The following NREP variants were observed in gnomAD, a reference collection of about 807,000 sequenced individuals.
NREP encodes the protein neuronal regeneration-related protein.
In NREP, 5 loss-of-function variants were observed where a neutral mutation model predicts 8.6. The observed-to-expected ratio is 0.58, with a 90% CI of 0.30 to 1.22. The LOEUF (loss-of-function observed/expected upper bound fraction) is 1.22, where lower values mean the gene tolerates loss of function less well. Ranked by LOEUF, NREP falls within the 50% of genes most tolerant of loss-of-function variation. The pLI is 0.07. For missense variants in NREP, 86 were observed against 82.5 expected (o/e 1.04, Z -0.17); for synonymous variants, 27 against 28.0 (o/e 0.96, Z 0.11).
At chr5:111,918,309 C>G (rs1221024848) in intron 2 of NREP, among the ~76,000 whole-genome samples, 1 of 152,144 alleles carries the variant, frequency 6.6e-6, no homozygotes, top group Non-Finnish European at 1.5e-5. Context: ...TCAATGCTAT[C>G]CCCATCAAAC....
intron 2 of NREP, among the ~76,000 whole-genome samples, chr5:111,911,846 T>C (rs374628052): frequency 2.8e-4 from 42 of 152,212 alleles, no homozygotes; most frequent in Middle Eastern, 3.4e-3. Context: ...CTACCTACTA[T>C]GTACCTAGCA....
chr5:111,732,864 TAACTC>T (rs887227544), intron 3 of NREP: 7 of 152,154 alleles, frequency 4.6e-5, no homozygotes, highest in Admixed American at 2.0e-4. Context: ...TGATAAATGT[TAACTC>T]AACAATTATA....
At chr5:111,753,430 C>T (rs2112846422) in intron 2 of NREP, among the ~76,000 whole-genome samples, 1 of 148,778 alleles carries the variant, frequency 6.7e-6, no homozygotes, top group Non-Finnish European at 1.5e-5. Flanking sequence ...AGAAGGGACT[C>T]GAGAATCCTT....
intron 2 of NREP, among the ~76,000 whole-genome samples, chr5:111,920,185 T>G (rs575262661): frequency 2.0e-4 from 31 of 152,280 alleles, no homozygotes; most frequent in Middle Eastern, 6.8e-3. Context: ...CTTTCCCTGG[T>G]GCCTGCAATC....
At chr5:111,862,187 C>T (rs905074499) in intron 2 of NREP, among the ~76,000 whole-genome samples, 1 of 152,148 alleles carries the variant, frequency 6.6e-6, no homozygotes, top group African/African-American at 2.4e-5. Flanking sequence ...AGAATTAAAA[C>T]TCCCTGAGTA....
intron 2 of NREP, among the ~76,000 whole-genome samples, chr5:111,751,402 A>G (rs1385290936): frequency 6.6e-6 from 1 of 152,178 alleles, no homozygotes; most frequent in African/African-American, 2.4e-5. Context: ...TATTTTTTAA[A>G]CCATTGAAAT....
chr5:111,786,052 T>C (rs1338465772), intron 2 of NREP, among the ~76,000 whole-genome samples: 1 of 152,208 alleles, frequency 6.6e-6, no homozygotes, highest in Non-Finnish European at 1.5e-5. Flanking sequence ...AAAAGCAGCC[T>C]CTTTCATTGA....
At chr5:111,969,332 C>G (rs1456134696) in intron 2 of NREP, 1 of 152,202 alleles carries the variant, frequency 6.6e-6, no homozygotes, top group South Asian at 2.1e-4. Context: ...TAAAACCCAA[C>G]AAAGGCAGGG....
At chr5:111,937,744 A>C (rs914698816) in intron 2 of NREP, among the ~76,000 whole-genome samples, 2 of 151,882 alleles carry the variant, frequency 1.3e-5, no homozygotes, top group African/African-American at 2.4e-5. Context: ...TCTACTTCTC[A>C]TTCTTGTACC....
chr5:111,971,952 G>A lies in NREP; in HGVS notation c.135+3322C>T, dbSNP rs551051047. Among the ~76,000 whole-genome samples the A allele has an allele frequency of 2.0e-5, 3 of 152,036 alleles. No homozygotes were observed. In the East Asian group the frequency reaches 5.8e-4, roughly 29 times the overall value. ...AAGGAAATAATCAACAGAATAAAGA[G>A]ACAGCCTATGGAATGGGAGAAAACA... On this transcript the variant is annotated intron_variant, in intron 2 of 3. Transcript: ENST00000395634.
intron 2 of NREP, among the ~76,000 whole-genome samples, chr5:111,796,408 T>C (rs528808305): frequency 3.3e-5 from 5 of 152,280 alleles, no homozygotes; most frequent in Admixed American, 2.6e-4. Context: ...TACTCACAGG[T>C]TCTGGTGATT....
intron 2 of NREP, among the ~76,000 whole-genome samples, chr5:111,875,029 T>C (rs535912121): frequency 6.6e-6 from 1 of 152,306 alleles, no homozygotes; most frequent in Admixed American, 6.5e-5. Context: ...AAGATAATTA[T>C]TTTATCAGAA....
At chr5:111,966,274 G>C (rs953482656) in intron 2 of NREP, among the ~76,000 whole-genome samples, 2 of 152,180 alleles carry the variant, frequency 1.3e-5, no homozygotes, top group Non-Finnish European at 2.9e-5. Context: ...TGAAAGACCA[G>C]AAAGTTATAG....
chr5:111,763,201 G>A (rs148202983), intron 2 of NREP, among the ~76,000 whole-genome samples: 4 of 152,164 alleles, frequency 2.6e-5, no homozygotes, highest in Middle Eastern at 3.2e-3. Flanking sequence ...CGTATTAGAC[G>A]ATTCAGTAAG....
chr5:111,976,837 A>C (rs979936983), exon 1 of NREP: 2 of 888,838 alleles, frequency 2.3e-6, no homozygotes, highest in Non-Finnish European at 3.5e-6. Flanking sequence ...ACAGCTCTGC[A>C]GCCCATTCTG....
At chr5:111,961,370 A>C (rs770154305) in intron 2 of NREP, among the ~76,000 whole-genome samples, 2 of 152,238 alleles carry the variant, frequency 1.3e-5, no homozygotes, top group Non-Finnish European at 2.9e-5. Flanking sequence ...TTCTTGTCCA[A>C]AAAGAAGCAA....
intron 3 of NREP, chr5:111,732,332 A>C (rs1000203395): frequency 1.3e-5 from 2 of 152,142 alleles, no homozygotes; most frequent in African/African-American, 2.4e-5. Flanking sequence ...AAAAAGTCTT[A>C]CTTACTGTAC....
In NREP at chr5:111,785,463, A is replaced by T. The variant is rs148641802; in HGVS notation, c.136-49956T>A. Among the ~76,000 whole-genome samples the T allele has an allele frequency of 5.6e-3, 847 of 152,192 alleles. 1 individual carries two copies. Among genetic ancestry groups the T allele is most frequent in the Non-Finnish European group, 8.2e-3 (558 of 68,002 alleles). The stretch of plus-strand genomic sequence containing the variant: ...CGGACTAATTTTTTGTATTTTTAGT[A>T]GAGTCGGGGTTTCACCATGTTAGCC... On this transcript the variant is annotated intron_variant, in intron 2 of 3. Transcript: ENST00000395634.
intron 2 of NREP, among the ~76,000 whole-genome samples, chr5:111,836,004 G>A (rs1278673950): frequency 3.3e-5 from 5 of 152,078 alleles, no homozygotes; most frequent in Non-Finnish European, 5.9e-5. Flanking sequence ...GCACTAGGAG[G>A]TGAAAAAGAA....
Sources: allele counts gnomAD v4.1 joint callset (sites outside exome capture counted in the v4.1 genomes callset), GRCh38; gene constraint gnomAD v4.1.1; transcripts MANE v1.5; gene names NCBI Gene and HGNC (gene_info 2026-07-23, HGNC 2026-07-21).